Variants in ZMYM4 observed in about 807,000 individuals in gnomAD.
ZMYM4 encodes zinc finger MYM-type containing 4.
ZMYM4 carries 31 observed loss-of-function variants against 183.2 expected under a neutral mutation model. The ratio of observed to expected loss-of-function variants is 0.17; its 90% confidence interval spans 0.13 to 0.23. The LOEUF (loss-of-function observed/expected upper bound fraction) is 0.23, where lower values mean the gene tolerates loss of function less well. Ranked by LOEUF, ZMYM4 falls within the 10% of genes least tolerant of loss-of-function variation. ZMYM4 has a pLI of 1.00. For synonymous variants in ZMYM4, 592 were observed against 631.2 expected, an observed-to-expected ratio of 0.94 and a Z score of 0.93; for missense variants, 1,273 against 1,840.3, an observed-to-expected ratio of 0.69 and a Z score of 5.64.
intron 2 of ZMYM4, among the ~76,000 whole-genome samples, chr1:35,336,973 C>T (rs1461817996): frequency 2.6e-5 from 4 of 152,192 alleles, no homozygotes; most frequent in Admixed American, 2.6e-4. Context: ...GTGCTCTTGC[C>T]TGCTACCATG....
chr1:35,415,333 C>G, intron 27 of ZMYM4, 133 bp from the exon 28 acceptor site: 1 of 1,263,126 alleles, frequency 7.9e-7, no homozygotes, highest in East Asian at 2.3e-5. Flanking sequence ...TTCTGGTTTT[C>G]TGCATAAGGA....
chr1:35,340,296 A>C (rs1020969743), intron 2 of ZMYM4, among the ~76,000 whole-genome samples: 1 of 151,938 alleles, frequency 6.6e-6, no homozygotes, highest in South Asian at 2.1e-4. Flanking sequence ...GCAGTCCCCA[A>C]CCTGTTTTGG....
chr1:35,282,979 G>GTTTT (rs1452098602), intron 1 of ZMYM4, among the ~76,000 whole-genome samples: 28 of 43,270 alleles, frequency 6.5e-4, no homozygotes, highest in Admixed American at 4.6e-3. Flanking sequence ...CTGTGTGTGT[G>GTTTT]GTTTTTTTTT....
At chr1:35,394,192 T>TA (rs1644766924) in intron 18 of ZMYM4, among the ~76,000 whole-genome samples, 3 of 119,284 alleles carry the variant, frequency 2.5e-5, no homozygotes, top group Non-Finnish European at 4.7e-5. Flanking sequence ...TTTTTTTTTT[T>TA]ATGAACTGCC....
rs564888104 is a variant in ZMYM4, at chr1:35,368,016, C to G, written c.841-2013C>G. The stretch of plus-strand genomic sequence containing the variant: ...TCAAAATGAGTAAATTCCAAATGGA[C>G]TAAGGCAGGGGTTGGCAAATTATCA... On this transcript the variant is annotated intron_variant, in intron 5 of 29. Coordinates refer to ENST00000314607, the MANE Select transcript of ZMYM4 (RefSeq NM_005095.3). Among the ~76,000 whole-genome samples, 168 of 151,876 alleles carry G rather than the reference C, an allele frequency of 1.1e-3. 1 individual carries two copies. The highest frequency in any genetic ancestry group is 3.9e-3 in the African/African-American group (162 of 41,356).
intron 1 of ZMYM4, among the ~76,000 whole-genome samples, chr1:35,317,070 C>T (rs892986322): frequency 4.0e-5 from 6 of 148,244 alleles, no homozygotes; most frequent in African/African-American, 7.5e-5. Flanking sequence ...TGCAGTGAGC[C>T]GAGATCATGC....
rs1181827249 is a variant in ZMYM4 at position 35,269,099 on chromosome 1, G to C, written c.39+14G>C. The C allele has an allele frequency of 3.9e-6, 6 of 1,547,676 alleles. No individual in the cohort carries two copies. The highest frequency in any genetic ancestry group is 4.4e-6 in the Non-Finnish European group (5 of 1,145,844). ...CCCCGAAAGAGGGTAGGTGAGGTGA[G>C]GCAGAACTCGGGCGGCGGGGGGCGG... On this transcript the variant is annotated intron_variant, in intron 1 of 29. Transcript: ENST00000314607.
chr1:35,329,491 T>C (rs1402016478), intron 2 of ZMYM4, among the ~76,000 whole-genome samples: 1 of 152,224 alleles, frequency 6.6e-6, no homozygotes, highest in Non-Finnish European at 1.5e-5. Context: ...ATTAAATGGC[T>C]CTAAGATAGC....
chr1:35,341,309 A>G (rs1325643312), intron 2 of ZMYM4, among the ~76,000 whole-genome samples: 1 of 152,086 alleles, frequency 6.6e-6, no homozygotes, highest in Non-Finnish European at 1.5e-5. Context: ...ATTGAAAATG[A>G]TACATGTACA....
chr1:35,299,797 CTT>C (rs553866480), intron 1 of ZMYM4, among the ~76,000 whole-genome samples: 8 of 142,904 alleles, frequency 5.6e-5, no homozygotes, highest in Admixed American at 1.4e-4. Context: ...TCTTTCTTTT[CTT>C]TTTTTTTTTT....
intron 1 of ZMYM4, among the ~76,000 whole-genome samples, chr1:35,313,386 T>C (rs867533430): frequency 1.2e-4 from 8 of 67,428 alleles, no homozygotes; most frequent in African/African-American, 2.8e-4. Flanking sequence ...TTCTTTTTCT[T>C]TTTCTTTTTT....
chr1:35,311,612 A>G (rs1466014591), intron 1 of ZMYM4, among the ~76,000 whole-genome samples: 1 of 152,036 alleles, frequency 6.6e-6, no homozygotes, highest in African/African-American at 2.4e-5. Flanking sequence ...CTCAAAAAAA[A>G]AAGTCACTTC....
intron 1 of ZMYM4, among the ~76,000 whole-genome samples, chr1:35,307,990 C>T (rs959765520): frequency 5.4e-5 from 8 of 148,888 alleles, no homozygotes; most frequent in Non-Finnish European, 7.5e-5. Flanking sequence ...CCACCGCACC[C>T]GGCTAATTTT....
chr1:35,277,119 A>G (rs1216764432), intron 1 of ZMYM4, among the ~76,000 whole-genome samples: 1 of 152,144 alleles, frequency 6.6e-6, no homozygotes, highest in Non-Finnish European at 1.5e-5. Flanking sequence ...TTTGGCTAAA[A>G]CTTTAGAATT....
intron 20 of ZMYM4, among the ~76,000 whole-genome samples, chr1:35,397,751 G>A (rs897334237): frequency 6.6e-6 from 1 of 152,064 alleles, no homozygotes; most frequent in Non-Finnish European, 1.5e-5. Context: ...GTATTCAATA[G>A]TTTTTAGTTA....
In ZMYM4 at chr1:35,405,020, C is replaced by T. The variant is rs1002033222; in HGVS notation, c.3529-3C>T. 1 of 1,565,068 alleles carries T rather than the reference C, an allele frequency of 6.4e-7. No individual in the cohort carries two copies. The highest frequency in any genetic ancestry group is 8.6e-7 in the Non-Finnish European group (1 of 1,157,884). ...GTTCTGTAAATTTTTGGAATTCTTA[C>T]AGGGACGGAAGAAGTCTATAGTGGC... On this transcript the variant is annotated splice_region_variant and splice_polypyrimidine_tract_variant and intron_variant, in intron 23 of 29. Transcript: ENST00000314607.
chr1:35,352,269 G>GCGCGCGCACACACACA lies in ZMYM4; in HGVS notation c.86-6655_86-6654insGCGCGCACACACACAC, dbSNP rs1366886543. On this transcript the variant is annotated intron_variant, in intron 2 of 29. Coordinates refer to ENST00000314607, the MANE Select transcript of ZMYM4 (RefSeq NM_005095.3). ...TAAAAATTAGCGCGCACGCGCGCGC[G>GCGCGCGCACACACACA]CACACACACACACACACACACACAC... Among the ~76,000 whole-genome samples, 7 of 124,582 alleles carry GCGCGCGCACACACACA rather than the reference G, an allele frequency of 5.6e-5. 1 individual carries two copies. The highest frequency in any genetic ancestry group is 2.3e-4 in the African/African-American group (7 of 30,110). 81.7% of individuals were successfully genotyped at this position (124,582 alleles called of 152,430 possible).
chr1:35,388,871 C>T, intron 13 of ZMYM4, 39 bp from the exon 14 acceptor site: 1 of 1,597,590 alleles, frequency 6.3e-7, no homozygotes. Context: ...AAAACTAATA[C>T]TTCTACCTAA....
intron 26 of ZMYM4, among the ~76,000 whole-genome samples, chr1:35,408,931 T>TC (rs1639754444): frequency 6.6e-6 from 1 of 152,160 alleles, no homozygotes; most frequent in South Asian, 2.1e-4. Flanking sequence ...TAGTAGTCAC[T>TC]CCCCATTACT....
Sources: gnomAD v4.1 joint callset for allele counts (sites outside exome capture counted in the v4.1 genomes callset) on GRCh38, gnomAD v4.1.1 for gene constraint, MANE v1.5 for transcripts, NCBI Gene and HGNC (gene_info 2026-07-23, HGNC 2026-07-21) for gene names.